The following FIRRM variants were observed in gnomAD, a reference collection of about 807,000 sequenced individuals.
The protein encoded by FIRRM is FIGNL1 interacting regulator of recombination and mitosis, also known as FIGNL1-interacting regulator of recombination and mitosis.
chr1:169,850,086 G>A, the FIRRM span: 3 of 585,170 alleles, frequency 5.1e-6, no homozygotes, highest in East Asian at 8.4e-5. Context: ...TTGTACAGAA[G>A]TTAATTTTGT....
chr1:169,800,239 T>G, the FIRRM span, among the ~76,000 whole-genome samples: 5 of 152,074 alleles, frequency 3.3e-5, no homozygotes, highest in East Asian at 9.7e-4. Flanking sequence ...AGACATGAGG[T>G]CTTGTCATGT....
At chr1:169,829,462 C>T in the FIRRM span, 1 of 1,597,590 alleles carries the variant, frequency 6.3e-7, no homozygotes, top group Non-Finnish European at 8.5e-7. Flanking sequence ...AAGCATATTA[C>T]TTACTGTGCT....
chr1:169,849,129 TG>T, the FIRRM span, among the ~76,000 whole-genome samples: 53 of 152,268 alleles, frequency 3.5e-4, no homozygotes, highest in South Asian at 6.8e-3. Flanking sequence ...AATATGAATG[TG>T]GGGGTCCAAT....
chr1:169,840,706 C>T, the FIRRM span, among the ~76,000 whole-genome samples: 1 of 151,670 alleles, frequency 6.6e-6, no homozygotes, highest in Non-Finnish European at 1.5e-5. Context: ...GAGATGGGGT[C>T]TCACTGTGTT....
the FIRRM span, chr1:169,836,952 CAAAA>C: frequency 6.2e-7 from 1 of 1,610,256 alleles, no homozygotes; most frequent in Non-Finnish European, 8.5e-7. Context: ...AAATTTTCCC[CAAAA>C]GAAGCAGAAA....
At chr1:169,792,028 C>A in the FIRRM span, among the ~76,000 whole-genome samples, 1 of 152,150 alleles carries the variant, frequency 6.6e-6, no homozygotes, top group Non-Finnish European at 1.5e-5. Flanking sequence ...AGTACAAGTT[C>A]TCTGTATTAC....
the FIRRM span, among the ~76,000 whole-genome samples, chr1:169,804,715 A>T: frequency 6.6e-6 from 1 of 152,138 alleles, no homozygotes; most frequent in Admixed American, 6.5e-5. Flanking sequence ...ACAGAGTCTC[A>T]CTGTGTAGCC....
At chr1:169,830,289 G>A in the FIRRM span, 2 of 1,613,712 alleles carry the variant, frequency 1.2e-6, no homozygotes, top group Non-Finnish European at 1.7e-6. Context: ...TGTACTTAGT[G>A]CTAATATGAT....
the FIRRM span, chr1:169,793,490 G>A: frequency 1.2e-6 from 2 of 1,614,004 alleles, no homozygotes; most frequent in African/African-American, 2.7e-5. Flanking sequence ...AGAGGGAGCT[G>A]CATTTTCCAT....
the FIRRM span, chr1:169,853,865 TC>T: frequency 1.4e-6 from 2 of 1,405,098 alleles, no homozygotes; most frequent in African/African-American, 2.9e-5. Context: ...TTAAAATTTA[TC>T]TTTTGATGCC....
chr1:169,852,854 C>T, the FIRRM span: 5 of 1,614,100 alleles, frequency 3.1e-6, no homozygotes, highest in Non-Finnish European at 3.4e-6. Context: ...GCGCTGCATA[C>T]AATAGCAGGG....
chr1:169,797,700 A>G, the FIRRM span, among the ~76,000 whole-genome samples: 10 of 152,144 alleles, frequency 6.6e-5, no homozygotes, highest in African/African-American at 2.4e-4. Flanking sequence ...ACGTGCCACC[A>G]TGCCCGGCTA....
At chr1:169,792,222 G>A in the FIRRM span, among the ~76,000 whole-genome samples, 1 of 152,160 alleles carries the variant, frequency 6.6e-6, no homozygotes, top group Admixed American at 6.5e-5. Context: ...TGTGAACAAG[G>A]AACTAACGAA....
At chr1:169,839,916 G>A in the FIRRM span, among the ~76,000 whole-genome samples, 1 of 152,090 alleles carries the variant, frequency 6.6e-6, no homozygotes, top group Non-Finnish European at 1.5e-5. Flanking sequence ...CTGAAAGGTG[G>A]CTATCCAGTT....
chr1:169,787,714 C>G, the FIRRM span, among the ~76,000 whole-genome samples: 1 of 152,178 alleles, frequency 6.6e-6, no homozygotes, highest in Non-Finnish European at 1.5e-5. Context: ...CTTTAACAAT[C>G]TGCTGCACAA....
the FIRRM span, chr1:169,843,870 CTT>C: frequency 1.4e-6 from 1 of 691,742 alleles, no homozygotes; most frequent in Non-Finnish European, 2.6e-6. Flanking sequence ...TAAACCTCCT[CTT>C]GTTGTGTCAT....
At chr1:169,837,838 A>T in the FIRRM span, among the ~76,000 whole-genome samples, 1 of 152,240 alleles carries the variant, frequency 6.6e-6, no homozygotes, top group Non-Finnish European at 1.5e-5. Flanking sequence ...GTCTATTTGC[A>T]GTTCTAAATT....
chr1:169,796,286 ATG>A, the FIRRM span, among the ~76,000 whole-genome samples: 38 of 152,372 alleles, frequency 2.5e-4, no homozygotes, highest in African/African-American at 8.2e-4. Flanking sequence ...TGCGTGCATA[ATG>A]TGTGTGAGAC....
the FIRRM span, chr1:169,851,616 A>ATAAC: frequency 1.5e-5 from 10 of 648,078 alleles, no homozygotes; most frequent in African/African-American, 1.6e-4. Context: ...AGACAACTCT[A>ATAAC]TAACTAACTA....
Sources: allele counts gnomAD v4.1 joint callset (sites outside exome capture counted in the v4.1 genomes callset), GRCh38; gene constraint gnomAD v4.1.1; transcripts MANE v1.5; gene names NCBI Gene and HGNC (gene_info 2026-07-23, HGNC 2026-07-21).